Variants in TRPM3 observed in about 807,000 individuals in gnomAD.
The protein encoded by TRPM3 is long transient receptor potential channel 3.
In TRPM3, 77 loss-of-function variants were observed where a neutral mutation model predicts 181.2. That is an observed-to-expected ratio of 0.42 (90% CI 0.35 to 0.51). The LOEUF is 0.51. TRPM3 is among the 20% of genes least tolerant of loss of function. The probability of loss-of-function intolerance (pLI) is 0.01; values close to 1 mark genes in which losing one functional copy is unlikely to be tolerated. For missense variants in TRPM3, 1,759 were observed against 2,196.7 expected (o/e 0.80, Z 3.98); for synonymous variants, 745 against 796.4 (o/e 0.94, Z 1.09).
chr9:71,210,752 ACAC>A (rs1217648645), intron 1 of TRPM3, among the ~76,000 whole-genome samples: 2 of 152,226 alleles, frequency 1.3e-5, no homozygotes, highest in African/African-American at 4.8e-5. Context: ...TGGATGGCTC[ACAC>A]AACAGAAATC....
chr9:70,941,622 C>G (rs994381117), intron 1 of TRPM3, among the ~76,000 whole-genome samples: 5 of 152,194 alleles, frequency 3.3e-5, no homozygotes, highest in African/African-American at 1.2e-4. Context: ...AGTGTGGTAT[C>G]TGCTCTGGGA....
intron 1 of TRPM3, among the ~76,000 whole-genome samples, chr9:71,217,741 G>A (rs138637478): frequency 1.3e-5 from 2 of 152,074 alleles, no homozygotes; most frequent in South Asian, 2.1e-4. Context: ...GTAATCCACC[G>A]GGGAACCAAC....
intron 1 of TRPM3, among the ~76,000 whole-genome samples, chr9:71,135,669 T>G (rs2134498491): frequency 6.6e-6 from 1 of 152,282 alleles, no homozygotes; most frequent in Non-Finnish European, 1.5e-5. Flanking sequence ...GAGGCTAAAC[T>G]TACCTAGAAC....
At chr9:70,549,075 T>G (rs2045830015) in intron 25 of TRPM3, among the ~76,000 whole-genome samples, 1 of 152,188 alleles carries the variant, frequency 6.6e-6, no homozygotes, top group Non-Finnish European at 1.5e-5. Flanking sequence ...TTTTAGCTAA[T>G]TTACAATTCT....
At chr9:70,801,943 T>C (rs550128623) in intron 6 of TRPM3, among the ~76,000 whole-genome samples, 1 of 152,202 alleles carries the variant, frequency 6.6e-6, no homozygotes, top group Non-Finnish European at 1.5e-5. Context: ...TGTCTCTCAA[T>C]TTTAGCATGC....
intron 1 of TRPM3, among the ~76,000 whole-genome samples, chr9:71,077,794 G>C (rs577317224): frequency 6.6e-6 from 1 of 152,122 alleles, no homozygotes; most frequent in African/African-American, 2.4e-5. Flanking sequence ...CACTCCATAT[G>C]TGCTTGATAA....
chr9:70,958,134 C>T (rs547570231), intron 1 of TRPM3, among the ~76,000 whole-genome samples: 63 of 152,198 alleles, frequency 4.1e-4, no homozygotes, highest in African/African-American at 1.5e-3. Flanking sequence ...ATGGCTGTGG[C>T]TACTATGTGA....
At chr9:70,690,056 A>C (rs941267352) in intron 8 of TRPM3, among the ~76,000 whole-genome samples, 6 of 152,156 alleles carry the variant, frequency 3.9e-5, no homozygotes, top group African/African-American at 1.4e-4. Context: ...ATCCATGAAA[A>C]TAGAGATGAA....
At chr9:71,035,773 A>G (rs1285410644) in intron 1 of TRPM3, among the ~76,000 whole-genome samples, 2 of 152,178 alleles carry the variant, frequency 1.3e-5, no homozygotes, top group Non-Finnish European at 2.9e-5. Flanking sequence ...TCCTTTATCA[A>G]ACTTTTACTG....
intron 1 of TRPM3, among the ~76,000 whole-genome samples, chr9:71,326,909 G>C (rs1289665193): frequency 6.6e-6 from 1 of 152,116 alleles, no homozygotes; most frequent in Non-Finnish European, 1.5e-5. Flanking sequence ...GAGAGAACAA[G>C]CATCCTACAT....
At chr9:71,442,146 T>C (rs2131678249) in intron 1 of TRPM3, among the ~76,000 whole-genome samples, 1 of 152,350 alleles carries the variant, frequency 6.6e-6, no homozygotes, top group African/African-American at 2.4e-5. Flanking sequence ...CTGTGCTTTC[T>C]ACATACTCAC....
At chr9:70,570,059 T>G (rs963402815) in intron 22 of TRPM3, among the ~76,000 whole-genome samples, 5 of 152,104 alleles carry the variant, frequency 3.3e-5, no homozygotes, top group Admixed American at 3.3e-4. Context: ...TGTGTGCACG[T>G]GTACATAAGT....
At chr9:71,165,114 C>G (rs998762531) in intron 1 of TRPM3, among the ~76,000 whole-genome samples, 1 of 152,134 alleles carries the variant, frequency 6.6e-6, no homozygotes, top group African/African-American at 2.4e-5. Flanking sequence ...AGCCCCGGAG[C>G]CAGGCTGACT....
chr9:71,395,637 A>G (rs2132982199), intron 1 of TRPM3, among the ~76,000 whole-genome samples: 1 of 152,360 alleles, frequency 6.6e-6, no homozygotes. Context: ...TTCTGTTAGC[A>G]AATTAATTAA....
intron 7 of TRPM3, among the ~76,000 whole-genome samples, chr9:70,783,282 A>C (rs935243435): frequency 6.6e-6 from 1 of 152,180 alleles, no homozygotes; most frequent in African/African-American, 2.4e-5. Context: ...CTCCCCACAA[A>C]TTTCATGTGT....
At chr9:70,951,280 T>G (rs112755800) in intron 1 of TRPM3, among the ~76,000 whole-genome samples, 2,943 of 152,320 alleles carry the variant, frequency 0.019, 51 homozygotes, top group East Asian at 0.052. Context: ...TTTATTCTAG[T>G]ACATTGCTAG....
At chr9:70,986,347 A>C (rs1339943132) in intron 1 of TRPM3, among the ~76,000 whole-genome samples, 2 of 152,186 alleles carry the variant, frequency 1.3e-5, no homozygotes, top group Non-Finnish European at 2.9e-5. Context: ...TGGGCAACAG[A>C]GGAACACCTT....
chr9:70,557,674 T>C (rs1459503860), intron 22 of TRPM3, among the ~76,000 whole-genome samples: 2 of 152,210 alleles, frequency 1.3e-5, no homozygotes, highest in East Asian at 1.9e-4. Context: ...GCACCCAAGA[T>C]GGCACATGGG....
intron 1 of TRPM3, among the ~76,000 whole-genome samples, chr9:71,368,360 A>G (rs2092407123): frequency 6.6e-6 from 1 of 152,196 alleles, no homozygotes; most frequent in South Asian, 2.1e-4. Flanking sequence ...CAGCTGGCTA[A>G]ACTCCAGGCC....
Sources: allele counts gnomAD v4.1 joint callset (sites outside exome capture counted in the v4.1 genomes callset), GRCh38; gene constraint gnomAD v4.1.1; transcripts MANE v1.5; gene names NCBI Gene and HGNC (gene_info 2026-07-23, HGNC 2026-07-21).